NTNG1: variants seen among roughly 807,000 people sequenced by gnomAD.
NTNG1 encodes netrin-G1.
In NTNG1, 16 loss-of-function variants were observed where a neutral mutation model predicts 54.0. The observed-to-expected ratio is 0.30, with a 90% CI of 0.20 to 0.45. The LOEUF (loss-of-function observed/expected upper bound fraction) is 0.45. Among genes scored for constraint, NTNG1 ranks in the 20% least tolerant of loss-of-function variants. The probability of loss-of-function intolerance (pLI) is 1.00; values close to 1 mark genes in which losing one functional copy is unlikely to be tolerated. For missense variants in NTNG1, 530 were observed against 678.7 expected, an observed-to-expected ratio of 0.78 and a Z score of 2.43; for synonymous variants, 255 against 263.1, an observed-to-expected ratio of 0.97 and a Z score of 0.30.
At chr1:107,432,246 G>C (rs1675315635) in intron 6 of NTNG1, among the ~76,000 whole-genome samples, 1 of 152,120 alleles carries the variant, frequency 6.6e-6, no homozygotes, top group African/African-American at 2.4e-5. Flanking sequence ...CTGTGAACTG[G>C]CTTGCAGATG....
In NTNG1 at chr1:107,373,565, T is replaced by A. The variant is rs191484695; in HGVS notation, c.888-21589T>A. 2.0e-3 allele frequency among the ~76,000 whole-genome samples: 303 copies of A among 151,860 alleles called. 3 individuals are homozygous for A. The highest frequency in any genetic ancestry group is 7.0e-3 in the African/African-American group (291 of 41,472). ...GTGTCTAAATGCAGAATTCCGTATG[T>A]TATCCTTTTTTTTTTTTTTTTCCTA... On this transcript the variant is annotated intron_variant, in intron 3 of 7. Coordinates refer to ENST00000370068, the MANE Select transcript of NTNG1 (RefSeq NM_001113226.3).
At chr1:107,429,804 T>C (rs1331844896) in intron 5 of NTNG1, among the ~76,000 whole-genome samples, 1 of 152,168 alleles carries the variant, frequency 6.6e-6, no homozygotes, top group Non-Finnish European at 1.5e-5. Context: ...TCATTTATTT[T>C]TAAAAGGTTG....
At position 107,404,364 on chromosome 1, in the gene NTNG1, T is replaced by G. The variant is rs552782753; in HGVS notation, c.1061-3318T>G. On this transcript the variant is annotated intron_variant, in intron 4 of 7. Transcript: ENST00000370068. ...CTGAGTTTCATGGAAGGCAAAGTGG[T>G]AAAAGGAATTTGTACATTGCCTAAC... Among the ~76,000 whole-genome samples, 12 of 152,202 alleles carry G rather than the reference T, an allele frequency of 7.9e-5. No homozygotes were observed. The South Asian group carries it at 2.5e-3, about 32-fold the overall frequency.
At chr1:107,281,542 C>T (rs1184788743) in intron 2 of NTNG1, among the ~76,000 whole-genome samples, 1 of 152,110 alleles carries the variant, frequency 6.6e-6, no homozygotes, top group Non-Finnish European at 1.5e-5. Context: ...TGGCACAGAA[C>T]TGTGAGGAAA....
At chr1:107,143,323 G>T (rs1187163402) in intron 1 of NTNG1, 2 of 152,136 alleles carry the variant, frequency 1.3e-5, no homozygotes, top group African/African-American at 4.8e-5. Context: ...GCCTTTTTAG[G>T]AGGAGGCAAA....
intron 3 of NTNG1, among the ~76,000 whole-genome samples, chr1:107,343,789 C>T (rs184239269): frequency 5.3e-5 from 8 of 151,994 alleles, no homozygotes; most frequent in Admixed American, 2.6e-4. Flanking sequence ...TGTTTGTTCT[C>T]GTGAAAAAAG....
At chr1:107,219,226 T>C (rs1274614725) in intron 2 of NTNG1, among the ~76,000 whole-genome samples, 1 of 152,108 alleles carries the variant, frequency 6.6e-6, no homozygotes, top group Non-Finnish European at 1.5e-5. Flanking sequence ...TCAGGGCATT[T>C]TGCAATTCTC....
intron 2 of NTNG1, among the ~76,000 whole-genome samples, chr1:107,170,147 T>TCAA (rs1656109978): frequency 6.6e-6 from 1 of 152,164 alleles, no homozygotes; most frequent in Non-Finnish European, 1.5e-5. Flanking sequence ...GACTGTAGCC[T>TCAA]AGACGAGTTG....
intron 3 of NTNG1, among the ~76,000 whole-genome samples, chr1:107,365,881 A>G (rs953733101): frequency 6.6e-6 from 1 of 152,188 alleles, no homozygotes; most frequent in Non-Finnish European, 1.5e-5. Flanking sequence ...ACAGTATGGA[A>G]TTAACCTCTT....
intron 2 of NTNG1, among the ~76,000 whole-genome samples, chr1:107,211,915 T>G (rs923926941): frequency 6.6e-6 from 1 of 152,170 alleles, no homozygotes; most frequent in Non-Finnish European, 1.5e-5. Flanking sequence ...TCTTATCAGT[T>G]TATGGGGAGA....
At chr1:107,275,630 G>A (rs775539990) in intron 2 of NTNG1, among the ~76,000 whole-genome samples, 8 of 151,992 alleles carry the variant, frequency 5.3e-5, no homozygotes, top group Non-Finnish European at 8.8e-5. Flanking sequence ...CCAAAGGCAG[G>A]GAAAAAAACC....
intron 5 of NTNG1, among the ~76,000 whole-genome samples, chr1:107,416,382 A>C (rs143202623): frequency 6.6e-6 from 1 of 152,290 alleles, no homozygotes; most frequent in African/African-American, 2.4e-5. Flanking sequence ...AATATGTTAG[A>C]TACACAATAC....
intron 2 of NTNG1, among the ~76,000 whole-genome samples, chr1:107,263,272 G>GCTTGCTTCCTTC (rs1321422944): frequency 2.1e-5 from 3 of 146,270 alleles, no homozygotes; most frequent in African/African-American, 7.7e-5. Flanking sequence ...AGGTTAGCTT[G>GCTTGCTTCCTTC]CTTCCTTCCT....
At chr1:107,231,007 C>T (rs1466173307) in intron 2 of NTNG1, among the ~76,000 whole-genome samples, 4 of 152,082 alleles carry the variant, frequency 2.6e-5, no homozygotes, top group Non-Finnish European at 5.9e-5. Context: ...AGAGCTTGGA[C>T]TTTGGAATTA....
At chr1:107,365,424 T>A (rs1181877854) in intron 3 of NTNG1, among the ~76,000 whole-genome samples, 5 of 152,124 alleles carry the variant, frequency 3.3e-5, no homozygotes, top group Non-Finnish European at 5.9e-5. Context: ...CCAGGGCCCA[T>A]AAGAAACAAC....
At chr1:107,231,659 G>A (rs2101533363) in intron 2 of NTNG1, among the ~76,000 whole-genome samples, 1 of 152,214 alleles carries the variant, frequency 6.6e-6, no homozygotes, top group Admixed American at 6.5e-5. Context: ...TAACCAAACA[G>A]ATGAACTCCT....
At chr1:107,360,989 C>T (rs1163282039) in intron 3 of NTNG1, among the ~76,000 whole-genome samples, 1 of 151,490 alleles carries the variant, frequency 6.6e-6, no homozygotes, top group Non-Finnish European at 1.5e-5. Context: ...TATCTCACTT[C>T]TTTAACTCTA....
intron 2 of NTNG1, among the ~76,000 whole-genome samples, chr1:107,293,559 T>C (rs1384244644): frequency 1.3e-5 from 2 of 152,194 alleles, no homozygotes; most frequent in Non-Finnish European, 2.9e-5. Context: ...TTTACATATG[T>C]GGAACATTAG....
chr1:107,288,509 G>A (rs984830990), intron 2 of NTNG1, among the ~76,000 whole-genome samples: 52 of 152,078 alleles, frequency 3.4e-4, no homozygotes, highest in Admixed American at 2.8e-3. Context: ...CTGAGAAATT[G>A]CAACATTTAT....
Sources: allele counts gnomAD v4.1 joint callset (sites outside exome capture counted in the v4.1 genomes callset), GRCh38; gene constraint gnomAD v4.1.1; transcripts MANE v1.5; gene names NCBI Gene and HGNC (gene_info 2026-07-23, HGNC 2026-07-21).